The following PRKG1 variants were observed in gnomAD, a reference collection of about 807,000 sequenced individuals.
PRKG1 encodes protein kinase cGMP-dependent 1.
A neutral mutation model predicts 88.1 loss-of-function variants in PRKG1; 35 were observed. The observed-to-expected ratio is 0.40, with a 90% CI of 0.30 to 0.53. The LOEUF is 0.53. Among genes scored for constraint, PRKG1 ranks in the 20% least tolerant of loss-of-function variants. The probability of loss-of-function intolerance (pLI) is 0.59; values close to 1 mark genes in which losing one functional copy is unlikely to be tolerated. For missense variants in PRKG1, 540 were observed against 839.8 expected, an observed-to-expected ratio of 0.64 and a Z score of 4.41; for synonymous variants, 303 against 292.5, an observed-to-expected ratio of 1.04 and a Z score of -0.37.
chr10:51,986,968 A>G (rs1475504455), intron 5 of PRKG1, among the ~76,000 whole-genome samples: 1 of 152,174 alleles, frequency 6.6e-6, no homozygotes, highest in East Asian at 1.9e-4. Context: ...TATTAGGCTG[A>G]TTACTATAAA....
chr10:51,095,617 A>C (rs542435492), intron 1 of PRKG1, among the ~76,000 whole-genome samples: 6 of 152,210 alleles, frequency 3.9e-5, no homozygotes, highest in Non-Finnish European at 7.3e-5. Context: ...ATTCTTTGAT[A>C]GCAGCCAGAC....
chr10:52,044,323 T>A (rs1448939605), intron 5 of PRKG1, among the ~76,000 whole-genome samples: 1 of 152,092 alleles, frequency 6.6e-6, no homozygotes, highest in Admixed American at 6.6e-5. Flanking sequence ...GAGAGCTCAA[T>A]GAGGAAACAG....
At chr10:52,100,793 A>T (rs1262044196) in intron 7 of PRKG1, among the ~76,000 whole-genome samples, 1 of 152,128 alleles carries the variant, frequency 6.6e-6, no homozygotes, top group Non-Finnish European at 1.5e-5. Context: ...ATTTTTTCCA[A>T]CCTCTTATTT....
At chr10:51,198,586 C>G (rs989754025) in intron 2 of PRKG1, among the ~76,000 whole-genome samples, 24 of 152,296 alleles carry the variant, frequency 1.6e-4, no homozygotes, top group Non-Finnish European at 2.9e-4. Context: ...GATAAAGTAT[C>G]TATGAAAATT....
At chr10:52,129,792 A>T (rs981784684) in intron 7 of PRKG1, among the ~76,000 whole-genome samples, 1 of 152,198 alleles carries the variant, frequency 6.6e-6, no homozygotes, top group African/African-American at 2.4e-5. Context: ...TAACTCTATT[A>T]GTGCTGGTTC....
intron 2 of PRKG1, among the ~76,000 whole-genome samples, chr10:51,180,809 C>T (rs74133505): frequency 0.035 from 5,283 of 152,188 alleles, 301 homozygotes; most frequent in African/African-American, 0.12. Flanking sequence ...TAGCTCTTTC[C>T]TATATTTAAA....
intron 1 of PRKG1, among the ~76,000 whole-genome samples, chr10:51,016,396 A>AT (rs527368961): frequency 8.3e-4 from 126 of 152,174 alleles, no homozygotes; most frequent in Non-Finnish European, 1.5e-3. Context: ...TCAAATTATT[A>AT]TTTTTTGGCA....
intron 2 of PRKG1, among the ~76,000 whole-genome samples, chr10:51,447,403 G>A (rs1472601823): frequency 2.0e-5 from 3 of 152,128 alleles, no homozygotes; most frequent in African/African-American, 7.2e-5. Context: ...CTATTAGCAA[G>A]ATTTAGCATT....
intron 2 of PRKG1, among the ~76,000 whole-genome samples, chr10:51,264,723 A>G (rs1404179647): frequency 6.6e-6 from 1 of 152,188 alleles, no homozygotes; most frequent in East Asian, 1.9e-4. Flanking sequence ...ATTATAAGGA[A>G]ATATGACTTT....
intron 1 of PRKG1, among the ~76,000 whole-genome samples, chr10:51,118,200 A>G (rs549204502): frequency 2.0e-4 from 31 of 152,296 alleles, no homozygotes; most frequent in Middle Eastern, 6.8e-3. Flanking sequence ...CATTTGGCCA[A>G]AGGCCATTTA....
intron 3 of PRKG1, among the ~76,000 whole-genome samples, chr10:51,623,097 A>C (rs536729445): frequency 6.6e-6 from 1 of 152,364 alleles, no homozygotes; most frequent in African/African-American, 2.4e-5. Context: ...TACTTGTAGC[A>C]ATCCAACAGA....
chr10:51,794,983 A>G (rs1031767153), intron 3 of PRKG1, among the ~76,000 whole-genome samples: 4 of 152,132 alleles, frequency 2.6e-5, no homozygotes, highest in Non-Finnish European at 5.9e-5. Context: ...ACAAAGTTTC[A>G]TTATGCGTAG....
chr10:51,115,719 C>A, intron 1 of PRKG1, among the ~76,000 whole-genome samples: 1 of 151,542 alleles, frequency 6.6e-6, no homozygotes, highest in East Asian at 2.0e-4. Context: ...CACCTGTAGT[C>A]CCAGCTATTC....
intron 8 of PRKG1, among the ~76,000 whole-genome samples, chr10:52,149,942 G>T (rs1357239427): frequency 2.6e-5 from 4 of 151,954 alleles, no homozygotes; most frequent in African/African-American, 9.7e-5. Flanking sequence ...GAGGTCAGGA[G>T]TTCAAGACCA....
chr10:52,097,330 C>T (rs1345324210), intron 7 of PRKG1, among the ~76,000 whole-genome samples: 1 of 152,060 alleles, frequency 6.6e-6, no homozygotes, highest in East Asian at 1.9e-4. Context: ...TGTCTATTAT[C>T]TACCATTTTA....
chr10:52,214,945 G>A (rs11001215), intron 9 of PRKG1, among the ~76,000 whole-genome samples: 22,229 of 151,464 alleles, frequency 0.15, 1,864 homozygotes, highest in Middle Eastern at 0.2. Flanking sequence ...ATATTGTCAC[G>A]GTTATTTATT....
intron 2 of PRKG1, among the ~76,000 whole-genome samples, chr10:51,211,216 A>G (rs1293525316): frequency 1.3e-5 from 2 of 152,142 alleles, no homozygotes; most frequent in African/African-American, 4.8e-5. Context: ...GACAAAAACC[A>G]CATGACTATC....
intron 3 of PRKG1, among the ~76,000 whole-genome samples, chr10:51,530,166 T>G (rs994454864): frequency 6.6e-6 from 1 of 152,232 alleles, no homozygotes; most frequent in Non-Finnish European, 1.5e-5. Context: ...TCCAGATACA[T>G]ATTTTCAAGT....
chr10:51,379,682 C>A (rs1837021837), intron 2 of PRKG1, among the ~76,000 whole-genome samples: 1 of 152,172 alleles, frequency 6.6e-6, no homozygotes, highest in African/African-American at 2.4e-5. Flanking sequence ...TGTGTTAGCT[C>A]TGAGATTAAT....
Sources: gnomAD v4.1 joint callset for allele counts (sites outside exome capture counted in the v4.1 genomes callset) on GRCh38, gnomAD v4.1.1 for gene constraint, MANE v1.5 for transcripts, NCBI Gene and HGNC (gene_info 2026-07-23, HGNC 2026-07-21) for gene names.